Variants in SLC26A3 observed in about 807,000 individuals in gnomAD.
The protein encoded by SLC26A3 is solute carrier family 26 member 3, also known as chloride anion exchanger.
Under a neutral mutation model 85.6 loss-of-function variants are expected in SLC26A3, and 64 were observed. That is an observed-to-expected ratio of 0.75 (90% CI 0.61 to 0.92). SLC26A3 has a LOEUF of 0.92. Among genes scored for constraint, SLC26A3 ranks in the 40% least tolerant of loss-of-function variants. The pLI, the probability that SLC26A3 is intolerant of heterozygous loss-of-function variation, is 0.00. For missense variants in SLC26A3, 922 were observed against 927.3 expected, an observed-to-expected ratio of 0.99 and a Z score of 0.07; for synonymous variants, 349 against 336.0, an observed-to-expected ratio of 1.04 and a Z score of -0.42.
chr7:107,776,001 C>T, intron 15 of SLC26A3: 1 of 229,360 alleles, frequency 4.4e-6, no homozygotes, highest in South Asian at 6.9e-5. Flanking sequence ...GTCATCATCT[C>T]TCCAGTTTGC....
intron 18 of SLC26A3, among the ~76,000 whole-genome samples, chr7:107,770,463 G>T (rs1211745834): frequency 6.7e-6 from 1 of 149,084 alleles, no homozygotes; most frequent in Non-Finnish European, 1.5e-5. Context: ...TCACCATGTT[G>T]CCCAGGCTAG....
At chr7:107,789,798 A>G (rs1454465786) in intron 5 of SLC26A3, 110 bp from the exon 6 acceptor site, 20 of 1,174,798 alleles carry the variant, frequency 1.7e-5, no homozygotes, top group East Asian at 2.5e-5. Flanking sequence ...CTCAACCTGT[A>G]TGTACATGCC....
At chr7:107,796,968 T>C (rs1056456514) in intron 1 of SLC26A3, among the ~76,000 whole-genome samples, 8 of 151,812 alleles carry the variant, frequency 5.3e-5, no homozygotes, top group African/African-American at 1.9e-4. Context: ...GGCTGTTGTA[T>C]TTTTTTTATT....
At chr7:107,785,792 A>T (rs1584408373) in intron 8 of SLC26A3, among the ~76,000 whole-genome samples, 1 of 152,164 alleles carries the variant, frequency 6.6e-6, no homozygotes, top group East Asian at 1.9e-4. Flanking sequence ...ATTTGCCTTT[A>T]AAAGAATTTG....
chr7:107,801,108 T>C (rs1455444922), intron 1 of SLC26A3, among the ~76,000 whole-genome samples: 1 of 152,152 alleles, frequency 6.6e-6, no homozygotes, highest in Non-Finnish European at 1.5e-5. Flanking sequence ...CTTCCTTGAG[T>C]ATTACTGTGG....
Position 107,794,587 on chromosome 7 carries a change from G to T in SLC26A3, c.-78C>A. On this transcript the variant is annotated 5_prime_UTR_variant, in exon 2 of 21. Transcript: ENST00000340010. ...GAACACTTCTTCTTGCCTTTAGCAGGTTAAAAATGCCTGAAACCAAACAGA... is the reference window on the plus strand; with the variant it reads ...GAACACTTCTTCTTGCCTTTAGCAGTTTAAAAATGCCTGAAACCAAACAGA... 2.6e-6 allele frequency: 4 copies of T among 1,527,942 alleles called. No individual in the cohort carries two copies. Among genetic ancestry groups the T allele is most frequent in the Non-Finnish European group, 3.6e-6 (4 of 1,102,624 alleles). The allele number at this position is 1,527,942 out of a possible 1,614,324, so 94.6% of individuals were successfully genotyped here.
At chr7:107,767,164 T>TAGG (rs1793929843) in intron 20 of SLC26A3, among the ~76,000 whole-genome samples, 1 of 152,140 alleles carries the variant, frequency 6.6e-6, no homozygotes, top group Non-Finnish European at 1.5e-5. Flanking sequence ...GGCACTGTGC[T>TAGG]AGGGACTTCT....
rs142400087 is a variant in SLC26A3, at chr7:107,791,160, T to C, written c.458A>G (p.Asn153Ser). 2.5e-5 allele frequency: 40 copies of C among 1,614,064 alleles called. No individual in the cohort carries two copies. Among genetic ancestry groups the C allele is most frequent in the Non-Finnish European group, 3.2e-5 (38 of 1,180,036 alleles). The change falls in exon 5 of 21, where the codon AAT becomes AGT. Residue 153 changes from asparagine (N) to serine (S), a missense_variant. Transcript: ENST00000340010. ...GAVSKAVPDR[N>S]ATTLGLPNNS... ...GTTAGGCAATCCCAAAGTAGTTGCATTGCGATCTGGGACTGCTTTTGAAAC... is the reference window on the plus strand; with the variant it reads ...GTTAGGCAATCCCAAAGTAGTTGCACTGCGATCTGGGACTGCTTTTGAAAC...
At chr7:107,802,071 G>A (rs1447206092) in intron 1 of SLC26A3, among the ~76,000 whole-genome samples, 3 of 145,610 alleles carry the variant, frequency 2.1e-5, no homozygotes, top group South Asian at 2.2e-4. Flanking sequence ...CAGCCTGGGC[G>A]ACAGAGTGAG....
intron 1 of SLC26A3, among the ~76,000 whole-genome samples, chr7:107,794,862 T>G (rs1304447164): frequency 6.6e-6 from 1 of 152,246 alleles, no homozygotes; most frequent in African/African-American, 2.4e-5. Flanking sequence ...AGTCAATTTT[T>G]TACTTACAAG....
chr7:107,783,019 G>T lies in SLC26A3; in HGVS notation c.1194C>A (p.Ser398=), dbSNP rs1159304842. 3.1e-6 allele frequency: 5 copies of T among 1,614,164 alleles called. No homozygotes were observed. The South Asian group carries it at 5.5e-5, about 18-fold the overall frequency. The change falls in exon 10 of 21, where the codon TCC becomes TCA. Residue 398 remains serine, a synonymous_variant. Transcript: ENST00000340010. ...CTGTGCTCTCCTGAACTGCTGATCT[G>T]GAGAGGGCAGTACTCCCAGCAAATC... The part of the protein sequence containing the change: ...FRGFAGSTAL[S]RSAVQESTGG...
intron 11 of SLC26A3, among the ~76,000 whole-genome samples, chr7:107,781,865 G>C (rs1297272483): frequency 2.0e-5 from 3 of 152,158 alleles, no homozygotes; most frequent in Non-Finnish European, 2.9e-5. Context: ...ATAGCCAGGA[G>C]TGTAATACAA....
At position 107,773,918 on chromosome 7, in the gene SLC26A3, A is replaced by G. The variant is rs764591347; in HGVS notation, c.2007+2T>C. On this transcript the variant is annotated splice_donor_variant, in intron 17 of 20. Coordinates refer to ENST00000340010, the MANE Select transcript of SLC26A3 (RefSeq NM_000111.3). LOFTEE classifies it high-confidence loss of function. ...TGTTTCCATTAAGAACAAAGAAATT[A>G]CCGATTTAAGGCCCCTCACTGAAGA... The G allele has an allele frequency of 1.9e-6, 3 of 1,606,110 alleles. No individual in the cohort carries two copies. The highest frequency in any genetic ancestry group is 2.6e-6 in the Non-Finnish European group (3 of 1,172,824).
intron 3 of SLC26A3, among the ~76,000 whole-genome samples, 187 bp from the exon 4 acceptor site, chr7:107,792,127 C>A (rs555716301): frequency 1.3e-5 from 2 of 152,220 alleles, no homozygotes; most frequent in African/African-American, 4.8e-5. Context: ...AGGTATAAAT[C>A]TTTGTGACCT....
In SLC26A3 at chr7:107,773,912, G is replaced by T. The variant is rs1312807761; in HGVS notation, c.2007+8C>A. The T allele has an allele frequency of 1.3e-6, 2 of 1,599,646 alleles. No individual in the cohort carries two copies. The highest frequency in any genetic ancestry group is 2.7e-5 in the African/African-American group (2 of 74,572). On this transcript the variant is annotated splice_region_variant and intron_variant, in intron 17 of 20. Coordinates refer to ENST00000340010, the MANE Select transcript of SLC26A3 (RefSeq NM_000111.3). The stretch of plus-strand genomic sequence containing the variant: ...ATTGGTTGTTTCCATTAAGAACAAA[G>T]AAATTACCGATTTAAGGCCCCTCAC...
intron 11 of SLC26A3, 39 bp downstream of exon 11, chr7:107,782,758 A>G (rs1425238301): frequency 1.9e-6 from 3 of 1,576,916 alleles, no homozygotes; most frequent in Middle Eastern, 1.7e-4. Flanking sequence ...TCCTTGATTT[A>G]CCACTAAAAG....
intron 18 of SLC26A3, among the ~76,000 whole-genome samples, chr7:107,770,173 T>TGAGACAGGG (rs1439468826): frequency 3.8e-4 from 5 of 13,072 alleles, no homozygotes; most frequent in African/African-American, 2.1e-3. Context: ...TTTTTTTTTT[T>TGAGACAGGG]TTTTTTTTAA....
intron 7 of SLC26A3, among the ~76,000 whole-genome samples, chr7:107,787,130 G>T (rs1794310246): frequency 6.6e-6 from 1 of 152,114 alleles, no homozygotes; most frequent in African/African-American, 2.4e-5. Context: ...TTTTGTCAAG[G>T]GTCTTGCTCT....
chr7:107,781,703 TG>T (rs1033578148), intron 11 of SLC26A3, among the ~76,000 whole-genome samples: 136 of 152,260 alleles, frequency 8.9e-4, no homozygotes, highest in African/African-American at 3.2e-3. Context: ...TGCTTGAAGA[TG>T]GATTTGGCCA....
Sources: allele counts gnomAD v4.1 joint callset (sites outside exome capture counted in the v4.1 genomes callset), GRCh38; gene constraint gnomAD v4.1.1; transcripts MANE v1.5; gene names NCBI Gene and HGNC (gene_info 2026-07-23, HGNC 2026-07-21).